Variants in TFDP1 observed in about 807,000 individuals in gnomAD.
TFDP1 encodes the protein DRTF1-polypeptide 1.
Under a neutral mutation model 48.0 loss-of-function variants are expected in TFDP1, and 6 were observed. That is an observed-to-expected ratio of 0.13 (90% CI 0.07 to 0.25). The LOEUF (loss-of-function observed/expected upper bound fraction) is 0.25, where lower values mean the gene tolerates loss of function less well. Ranked by LOEUF, TFDP1 falls within the 10% of genes least tolerant of loss-of-function variation. TFDP1 has a pLI of 1.00. For missense variants in TFDP1, 335 were observed against 543.0 expected, an observed-to-expected ratio of 0.62 and a Z score of 3.81; for synonymous variants, 201 against 211.6, an observed-to-expected ratio of 0.95 and a Z score of 0.44.
rs2140483885 is a variant in TFDP1, at chr13:113,623,391, A to G, written c.186+105A>G. Reference sequence around the variant, plus strand: ...CCAGGTGTGCCTGGATTTGGGCTCCAGTTGCAGCATGGGGCCTTTCCCTCA... The same window carrying G: ...CCAGGTGTGCCTGGATTTGGGCTCCGGTTGCAGCATGGGGCCTTTCCCTCA... On this transcript the variant is annotated intron_variant, in intron 4 of 11. Transcript: ENST00000375370. The surrounding 1 kb of genome is among the most constrained non-coding windows in gnomAD (Gnocchi z 5.2). 9.1e-7 allele frequency: 1 copy of G among 1,094,850 alleles called. No individual in the cohort carries two copies. Among genetic ancestry groups the G allele is most frequent in the Non-Finnish European group, 1.3e-6 (1 of 757,252 alleles). The allele number at this position is 1,094,850 out of a possible 1,614,324, so 67.8% of individuals were successfully genotyped here.
At chr13:113,612,335 C>G (rs1594464582) in intron 3 of TFDP1, among the ~76,000 whole-genome samples, 2 of 152,220 alleles carry the variant, frequency 1.3e-5, no homozygotes, top group African/African-American at 4.8e-5. Context: ...CTGCTGTCCC[C>G]GGGCCCTGTC....
intron 2 of TFDP1, among the ~76,000 whole-genome samples, chr13:113,597,218 T>C (rs535181676): frequency 6.6e-6 from 1 of 152,360 alleles, no homozygotes; most frequent in South Asian, 2.1e-4. Context: ...AAGAGTATAA[T>C]GTAAAAACTT....
intron 2 of TFDP1, among the ~76,000 whole-genome samples, chr13:113,604,576 T>C (rs1275752528): frequency 6.6e-6 from 1 of 152,206 alleles, no homozygotes; most frequent in Non-Finnish European, 1.5e-5. Context: ...GAGGCCACTT[T>C]GCTGTTGCCC....
chr13:113,625,739 GT>G, intron 4 of TFDP1, among the ~76,000 whole-genome samples: 1 of 49,900 alleles, frequency 2.0e-5, no homozygotes. Flanking sequence ...TCTCTCACGT[GT>G]CCTCAGGCGT....
intron 11 of TFDP1, among the ~76,000 whole-genome samples, chr13:113,638,379 T>C (rs1274252747): frequency 6.6e-6 from 1 of 152,008 alleles, no homozygotes; most frequent in Non-Finnish European, 1.5e-5. Flanking sequence ...TCAGAATGCA[T>C]CTATGGTCAT....
intron 2 of TFDP1, among the ~76,000 whole-genome samples, chr13:113,588,832 GGA>G (rs2048069358): frequency 6.6e-6 from 1 of 151,760 alleles, no homozygotes; most frequent in African/African-American, 2.4e-5. Context: ...TAGATTGGAT[GGA>G]GAGTGAGTGG....
rs568613150 is a variant in TFDP1, at chr13:113,590,607, A to G, written c.12+4758A>G. Among the ~76,000 whole-genome samples the G allele has an allele frequency of 4.6e-5, 7 of 152,326 alleles. No homozygotes were observed. The South Asian group carries it at 1.2e-3, about 27-fold the overall frequency. Reference sequence around the variant, plus strand: ...CCCCCTCAGGTTTAAGTGTTGAAGAAATCTATGATGACGTGCTTGTTTTTA... The same window carrying G: ...CCCCCTCAGGTTTAAGTGTTGAAGAGATCTATGATGACGTGCTTGTTTTTA... On this transcript the variant is annotated intron_variant, in intron 2 of 11. Transcript: ENST00000375370.
intron 2 of TFDP1, among the ~76,000 whole-genome samples, chr13:113,592,040 G>A (rs4150697): frequency 0.033 from 5,041 of 152,324 alleles, 207 homozygotes; most frequent in East Asian, 0.11. Flanking sequence ...AGGGACTATG[G>A]CTTTTAAGTT....
rs552154512 is a variant in TFDP1 at position 113,633,060 on chromosome 13, G to A, written c.309-60G>A. 16 of 1,601,772 alleles carry A rather than the reference G, an allele frequency of 1.0e-5. No homozygotes were observed. In the South Asian group the frequency reaches 1.4e-4, roughly 15 times the overall value. On this transcript the variant is annotated intron_variant, in intron 5 of 11. Coordinates refer to ENST00000375370, the MANE Select transcript of TFDP1 (RefSeq NM_007111.5). This position sits in a 1 kb window ranked among gnomAD's most constrained non-coding sequence, Gnocchi z 4.5. ...GAGCTCTCAGGTAAAAGCATTCCTCGATTCAGGCTGATCCTCAGGAGGGCT... is the reference window on the plus strand; with the variant it reads ...GAGCTCTCAGGTAAAAGCATTCCTCAATTCAGGCTGATCCTCAGGAGGGCT...
At chr13:113,638,429 C>T (rs146862393) in intron 11 of TFDP1, among the ~76,000 whole-genome samples, 2 of 152,020 alleles carry the variant, frequency 1.3e-5, no homozygotes, top group Non-Finnish European at 2.9e-5. Flanking sequence ...TCACGGCGCA[C>T]GTGTTTTTCA....
In TFDP1 at chr13:113,598,011, G is replaced by C. The variant is rs9604170; in HGVS notation, c.12+12162G>C. Among the ~76,000 whole-genome samples the C allele has an allele frequency of 0.033, 5,011 of 152,282 alleles. 253 individuals are homozygous for C. Among genetic ancestry groups the C allele is most frequent in the African/African-American group, 0.11 (4,531 of 41,530 alleles). ...GCTTCCAGGAGGGCTGCAGGCACGA[G>C]GTGTTCAAATGCAGCAGTGACTTCA... On this transcript the variant is annotated intron_variant, in intron 2 of 11. Coordinates refer to ENST00000375370, the MANE Select transcript of TFDP1 (RefSeq NM_007111.5). This position sits in a 1 kb window ranked among gnomAD's most constrained non-coding sequence, Gnocchi z 4.2.
At chr13:113,616,630 A>G (rs773075452) in intron 3 of TFDP1, among the ~76,000 whole-genome samples, 1 of 152,060 alleles carries the variant, frequency 6.6e-6, no homozygotes, top group African/African-American at 2.4e-5. Context: ...CTTCAATCTC[A>G]TATCTGTCGG....
At position 113,623,906 on chromosome 13, in the gene TFDP1, C is replaced by G. The variant is rs1039097916; in HGVS notation, c.186+620C>G. 2.6e-5 allele frequency among the ~76,000 whole-genome samples: 4 copies of G among 152,192 alleles called. No homozygotes were observed. In the East Asian group the frequency reaches 5.8e-4, roughly 22 times the overall value. The stretch of plus-strand genomic sequence containing the variant: ...CCTCTGCGTCCTTGCCGGTGGCAGC[C>G]TACTGGAGACAGGGAGCCCACACAG... On this transcript the variant is annotated intron_variant, in intron 4 of 11. Transcript: ENST00000375370. The surrounding 1 kb of genome is among the most constrained non-coding windows in gnomAD (Gnocchi z 5.2).
chr13:113,605,171 C>G (rs968368129), intron 2 of TFDP1, among the ~76,000 whole-genome samples: 2 of 152,090 alleles, frequency 1.3e-5, no homozygotes, highest in Admixed American at 6.5e-5. Flanking sequence ...AACATTCTTT[C>G]CTGTCCTTGG....
chr13:113,593,547 G>T (rs1226806204), intron 2 of TFDP1, among the ~76,000 whole-genome samples: 3 of 137,096 alleles, frequency 2.2e-5, no homozygotes, highest in African/African-American at 5.7e-5. Context: ...GACAGGTGTG[G>T]TGTGTGCGGG....
chr13:113,610,923 G>A (rs2048694118), intron 2 of TFDP1, 73 bp from the exon 3 acceptor site: 3 of 1,367,022 alleles, frequency 2.2e-6, no homozygotes, highest in South Asian at 2.3e-5. Flanking sequence ...ACCCTTGAGG[G>A]TGGTTTTAAA....
At chr13:113,631,834 G>A (rs760428241) in intron 5 of TFDP1, 90 bp downstream of exon 5, 37 of 1,530,834 alleles carry the variant, frequency 2.4e-5, no homozygotes, top group African/African-American at 2.7e-5. Context: ...TCACACAGTC[G>A]TGCGATGGGG....
At chr13:113,625,793 C>T (rs1477636785) in intron 4 of TFDP1, among the ~76,000 whole-genome samples, 1 of 41,418 alleles carries the variant, frequency 2.4e-5, no homozygotes. Flanking sequence ...CCTCAGGCGT[C>T]TCTCACGTGT....
intron 10 of TFDP1, chr13:113,637,559 T>C (rs1277529738): frequency 1.1e-5 from 16 of 1,457,618 alleles, no homozygotes; most frequent in Non-Finnish European, 1.4e-5. Flanking sequence ...GCAGCACACG[T>C]GTGCCGTTTG....
Sources: allele counts gnomAD v4.1 joint callset (sites outside exome capture counted in the v4.1 genomes callset), GRCh38; gene constraint gnomAD v4.1.1; non-coding constraint Gnocchi (gnomAD v3.1); transcripts MANE v1.5; gene names NCBI Gene and HGNC (gene_info 2026-07-23, HGNC 2026-07-21).